The following TRAPPC8 variants were observed in gnomAD, a reference collection of about 807,000 sequenced individuals.
TRAPPC8 encodes trafficking protein particle complex subunit 8, also known as general sporulation gene 1 homolog.
TRAPPC8 carries 54 observed loss-of-function variants against 174.3 expected under a neutral mutation model. That is an observed-to-expected ratio of 0.31 (90% CI 0.25 to 0.39). The LOEUF (loss-of-function observed/expected upper bound fraction) is 0.39. TRAPPC8 is among the 10% of genes least tolerant of loss of function. The pLI is 1.00. For synonymous variants in TRAPPC8, 630 were observed against 579.9 expected (o/e 1.09, Z -1.24); for missense variants, 1,531 against 1,699.1 (o/e 0.90, Z 1.74).
rs1351334119 is a variant in TRAPPC8, at chr18:31,855,778, A to G, written c.3218T>C (p.Ile1073Thr). ...TACATTTAAAGACCGACTGGTACAAATAATTGCAGTGTGTCTTAATATTCT... is the reference window on the plus strand; with the variant it reads ...TACATTTAAAGACCGACTGGTACAAGTAATTGCAGTGTGTCTTAATATTCT... ...RHRILRHTAI[I>T]CTSRSLNVRA... The change falls in exon 21 of 29, where the codon ATT becomes ACT. Residue 1073 changes from isoleucine (I) to threonine (T), a missense_variant. Physicochemically the swap from Ile to Thr is moderately conservative, Grantham distance 89. Coordinates refer to ENST00000283351, the MANE Select transcript of TRAPPC8 (RefSeq NM_014939.5). 6.2e-7 allele frequency: 1 copy of G among 1,602,796 alleles called. No homozygotes were observed. The highest frequency in any genetic ancestry group is 1.8e-5 in the Admixed American group (1 of 56,568).
chr18:31,844,572 A>G (rs1322180301), intron 26 of TRAPPC8: 1 of 152,148 alleles, frequency 6.6e-6, no homozygotes, highest in Non-Finnish European at 1.5e-5. Context: ...TGAGACTTCT[A>G]AATTATACTG....
intron 1 of TRAPPC8, among the ~76,000 whole-genome samples, chr18:31,935,364 C>CAAAAAAAAAA (rs10646414): frequency 6.5e-5 from 7 of 108,198 alleles, no homozygotes; most frequent in Non-Finnish European, 1.0e-4. Flanking sequence ...ACAAACAAAC[C>CAAAAAAAAAA]AAAAAAAAAA....
intron 1 of TRAPPC8, among the ~76,000 whole-genome samples, chr18:31,933,951 GC>G: frequency 6.6e-6 from 1 of 152,176 alleles, no homozygotes; most frequent in African/African-American, 2.4e-5. Context: ...CTTTTGGGAG[GC>G]TGAAGCGGGC....
At chr18:31,857,214 A>G (rs1009401633) in intron 20 of TRAPPC8, among the ~76,000 whole-genome samples, 1 of 152,244 alleles carries the variant, frequency 6.6e-6, no homozygotes, top group African/African-American at 2.4e-5. Context: ...GTCTTCATAC[A>G]TAAATGACGC....
At chr18:31,886,415 G>A (rs1279220233) in intron 12 of TRAPPC8, among the ~76,000 whole-genome samples, 1 of 150,514 alleles carries the variant, frequency 6.6e-6, no homozygotes, top group East Asian at 1.9e-4. Flanking sequence ...ATTAAAAACT[G>A]ATAGATATAG....
At chr18:31,930,492 AG>A (rs1029498520) in intron 2 of TRAPPC8, among the ~76,000 whole-genome samples, 1 of 152,206 alleles carries the variant, frequency 6.6e-6, no homozygotes, top group African/African-American at 2.4e-5. Flanking sequence ...TGGCCTAAAA[AG>A]ATTACTTTAT....
intron 2 of TRAPPC8, among the ~76,000 whole-genome samples, chr18:31,929,074 C>T (rs1163913206): frequency 6.6e-6 from 1 of 151,446 alleles, no homozygotes; most frequent in African/African-American, 2.4e-5. Flanking sequence ...CCCAGATACT[C>T]GGGAGGCTGA....
chr18:31,925,363 TAG>T, intron 2 of TRAPPC8, among the ~76,000 whole-genome samples: 1 of 151,416 alleles, frequency 6.6e-6, no homozygotes, highest in African/African-American at 2.4e-5. Context: ...AAGGAAAATC[TAG>T]AGAAGAAAAT....
In TRAPPC8 at chr18:31,849,679, T is replaced by C. The variant is rs763218113; in HGVS notation, c.3622A>G (p.Lys1208Glu). 7.4e-6 allele frequency: 12 copies of C among 1,612,178 alleles called. No homozygotes were observed. Among genetic ancestry groups the C allele is most frequent in the Non-Finnish European group, 8.5e-7 (1 of 1,179,120 alleles). ...ACAGGCAAGTGAGCTTGTGGTTTTT[T>C]CAATTCAGAAGATAAACTTCGATAA... ...FFYRSLSSELKKPQAHLPVHT... is the reference protein window; with the variant it reads ...FFYRSLSSELEKPQAHLPVHT... The change falls in exon 25 of 29, where the codon AAA (lysine) becomes GAA (glutamate). Residue 1208 changes from lysine (K) to glutamate (E), a missense_variant. Transcript: ENST00000283351.
chr18:31,863,320 C>T lies in TRAPPC8; in HGVS notation c.2745+1307G>A, dbSNP rs376399715. 2.6e-5 allele frequency among the ~76,000 whole-genome samples: 4 copies of T among 151,982 alleles called. No homozygotes were observed. In the East Asian group the frequency reaches 5.8e-4, roughly 22 times the overall value. On this transcript the variant is annotated intron_variant, in intron 19 of 28. Coordinates refer to ENST00000283351, the MANE Select transcript of TRAPPC8 (RefSeq NM_014939.5). ...CTGAAGGTTATTTTGTAGTGTATTG[C>T]GAAATTTAAAATTTATATATCTCTC...
chr18:31,911,673 C>A (rs62093867), intron 5 of TRAPPC8, among the ~76,000 whole-genome samples: 37,790 of 144,578 alleles, frequency 0.26, 5,338 homozygotes, highest in South Asian at 0.53. Context: ...CAGGAGGCAG[C>A]TGTTGCAGTG....
At chr18:31,875,814 CAGAA>C (rs2035112758) in intron 12 of TRAPPC8, among the ~76,000 whole-genome samples, 1 of 152,072 alleles carries the variant, frequency 6.6e-6, no homozygotes, top group Non-Finnish European at 1.5e-5. Flanking sequence ...AAGAGGTACA[CAGAA>C]AGACAGATCC....
At chr18:31,870,091 C>CAA (rs35938138) in intron 16 of TRAPPC8, 17 of 152,470 alleles carry the variant, frequency 1.1e-4, no homozygotes, top group East Asian at 1.8e-4. Context: ...GACTCTGTCT[C>CAA]AAAAAAAAAA....
chr18:31,927,999 T>C (rs569631084), intron 2 of TRAPPC8, among the ~76,000 whole-genome samples: 39 of 151,358 alleles, frequency 2.6e-4, no homozygotes, highest in African/African-American at 9.5e-4. Flanking sequence ...TTATTAAAAA[T>C]ACAAAAATTA....
chr18:31,829,454 C>T lies in TRAPPC8; in HGVS notation c.*1301G>A, dbSNP rs1004383961. ...ACCTTCCTCTCCAACTTGTCCCACACCTGCTAAGACACAGAGTGGAAGGAG... is the reference window on the plus strand; with the variant it reads ...ACCTTCCTCTCCAACTTGTCCCACATCTGCTAAGACACAGAGTGGAAGGAG... On this transcript the variant is annotated 3_prime_UTR_variant, in exon 29 of 29. Transcript: ENST00000283351. The T allele has an allele frequency of 6.6e-6, 1 of 152,198 alleles. No individual in the cohort carries two copies. Among genetic ancestry groups the T allele is most frequent in the Non-Finnish European group, 1.5e-5 (1 of 68,066 alleles). 9.4% of individuals were successfully genotyped at this position (152,198 alleles called of 1,614,324 possible).
chr18:31,923,774 T>C (rs1272210523), intron 2 of TRAPPC8, among the ~76,000 whole-genome samples: 1 of 151,692 alleles, frequency 6.6e-6, no homozygotes, highest in Non-Finnish European at 1.5e-5. Context: ...TGTTTTCTTC[T>C]GGTGTGTAGT....
rs985114115 is a variant in TRAPPC8, at chr18:31,911,171, A to T, written c.772-1411T>A. Among the ~76,000 whole-genome samples the T allele has an allele frequency of 9.2e-5, 14 of 152,356 alleles. No homozygotes were observed. The South Asian group carries it at 2.7e-3, about 29-fold the overall frequency. On this transcript the variant is annotated intron_variant, in intron 5 of 28. Transcript: ENST00000283351. ...AATTGATTTTTTAAATGTCACACACAGAGTGCATAATATAGTTTAATTGAA... is the reference window on the plus strand; with the variant it reads ...AATTGATTTTTTAAATGTCACACACTGAGTGCATAATATAGTTTAATTGAA...
chr18:31,846,862 C>A, intron 25 of TRAPPC8, 45 bp from the exon 26 acceptor site: 3 of 1,428,268 alleles, frequency 2.1e-6, no homozygotes, highest in South Asian at 1.2e-5. Flanking sequence ...TTGACAGTAA[C>A]CTCTAAAGTA....
rs190956652 is a variant in TRAPPC8 at position 31,843,256 on chromosome 18, A to G, written c.3837+3460T>C. On this transcript the variant is annotated intron_variant, in intron 26 of 28. Transcript: ENST00000283351. ...AATGAAACCTGTAGTTTATTAAACA[A>G]TATCACCTCTTCTGTCTTTTTTCTT... Among the ~76,000 whole-genome samples, 246 of 152,332 alleles carry G rather than the reference A, an allele frequency of 1.6e-3. 6 individuals are homozygous for G. Among genetic ancestry groups the G allele is most frequent in the Non-Finnish European group, 4.0e-4 (27 of 68,012 alleles).
Sources: allele counts gnomAD v4.1 joint callset (sites outside exome capture counted in the v4.1 genomes callset), GRCh38; gene constraint gnomAD v4.1.1; transcripts MANE v1.5; gene names NCBI Gene and HGNC (gene_info 2026-07-23, HGNC 2026-07-21).